Variants in LMTK3 observed in about 807,000 individuals in gnomAD.
The protein encoded by LMTK3 is lemur tail kinase 3, also known as serine/threonine-protein kinase LMTK3.
LMTK3 carries 27 observed loss-of-function variants against 116.7 expected under a neutral mutation model. That is an observed-to-expected ratio of 0.23 (90% CI 0.17 to 0.32). LMTK3 has a LOEUF of 0.32. Among genes scored for constraint, LMTK3 ranks in the 10% least tolerant of loss-of-function variants. The probability of loss-of-function intolerance (pLI) is 1.00; values close to 1 mark genes in which losing one functional copy is unlikely to be tolerated. For missense variants in LMTK3, 1,764 were observed against 2,068.5 expected, an observed-to-expected ratio of 0.85 and a Z score of 2.86; for synonymous variants, 965 against 971.0, an observed-to-expected ratio of 0.99 and a Z score of 0.11.
chr19:48,511,484 TG>T lies in LMTK3; in HGVS notation c.76+16del. The T allele has an allele frequency of 7.6e-7, 1 of 1,307,542 alleles. No individual in the cohort carries two copies. The highest frequency in any genetic ancestry group is 1.0e-6 in the Non-Finnish European group (1 of 1,001,808). The allele number at this position is 1,307,542 out of a possible 1,614,324, so 81.0% of individuals were successfully genotyped here. ...GGGTGGGGGCCACCGGACAGACTGA[TG>T]GCCCGACAGACTCACCGGGGTGGGC... On this transcript the variant is annotated intron_variant, in intron 1 of 14. Coordinates refer to ENST00000600059, the MANE Select transcript of LMTK3 (RefSeq NM_001388485.1).
intron 14 of LMTK3, among the ~76,000 whole-genome samples, chr19:48,489,688 G>T: frequency 6.6e-6 from 1 of 152,220 alleles, no homozygotes; most frequent in East Asian, 1.9e-4. Flanking sequence ...GCAATCTCAT[G>T]AGTTAGATCC....
Position 48,493,802 on chromosome 19 carries a change from C to T in LMTK3, c.3984G>A (p.Gly1328=). 1 of 1,513,488 alleles carries T rather than the reference C, an allele frequency of 6.6e-7. No homozygotes were observed. The highest frequency in any genetic ancestry group is 1.2e-5 in the South Asian group (1 of 81,892). 93.8% of individuals were successfully genotyped at this position (1,513,488 alleles called of 1,614,324 possible). A position where few individuals can be genotyped will look rare whatever the true frequency, so the allele number is the denominator to read the frequency against. Residue 1328 remains glycine, a synonymous_variant, in exon 12 of 15, where the codon GGG becomes GGA. Coordinates refer to ENST00000600059, the MANE Select transcript of LMTK3 (RefSeq NM_001388485.1). ...CGGCCCCGCGCGGAGACTTGAGCAG[C>T]CCCCGCAGCGGGCGGGCCGCGTCCG... ...ADADAARPLR[G]LLKSPRGADE... is the part of the protein sequence containing the mutation.
At chr19:48,493,615 C>T in intron 12 of LMTK3, 79 bp downstream of exon 12, 2 of 1,464,802 alleles carry the variant, frequency 1.4e-6, no homozygotes, top group East Asian at 5.9e-5. Flanking sequence ...GCTCGGCCTC[C>T]CGCCAGGCCC....
chr19:48,511,421 G>T, intron 1 of LMTK3, 80 bp downstream of exon 1: 1 of 524,320 alleles, frequency 1.9e-6, no homozygotes, highest in Non-Finnish European at 2.9e-6. Context: ...GGCAGGACCC[G>T]CAGACAGACC....
chr19:48,504,378 C>G (rs1267857360), intron 5 of LMTK3, among the ~76,000 whole-genome samples: 1 of 152,186 alleles, frequency 6.6e-6, no homozygotes, highest in Non-Finnish European at 1.5e-5. Context: ...TGTGTCATCT[C>G]AGGCAAGCCA....
In LMTK3 at chr19:48,497,189, T is replaced by C. The variant is rs924797589; in HGVS notation, c.3676+204A>G. Among the ~76,000 whole-genome samples, 3 of 152,222 alleles carry C rather than the reference T, an allele frequency of 2.0e-5. No homozygotes were observed. The highest frequency in any genetic ancestry group is 7.2e-5 in the African/African-American group (3 of 41,452). Reference sequence around the variant, plus strand: ...ATCCGTTTTTGGCAGATGGGTAAACTGAGGCACCGTGCAGCAAGGACATTT... The same window carrying C: ...ATCCGTTTTTGGCAGATGGGTAAACCGAGGCACCGTGCAGCAAGGACATTT... On this transcript the variant is annotated intron_variant, in intron 11 of 14. Transcript: ENST00000600059. This position sits in a 1 kb window ranked among gnomAD's most constrained non-coding sequence, Gnocchi z 5.7.
chr19:48,490,793 T>G (rs1972208289), intron 14 of LMTK3, among the ~76,000 whole-genome samples: 1 of 152,096 alleles, frequency 6.6e-6, no homozygotes, highest in Non-Finnish European at 1.5e-5. Flanking sequence ...ATCCGGCAAG[T>G]GCCAGGCCGG....
chr19:48,493,844 C>A lies in LMTK3; in HGVS notation c.3942G>T (p.Val1314=), dbSNP rs2147534717. ...CCGCGTCCGCGTCGGCGCTGCTCAC[C>A]ACGACGGGCACCGGGGCTGCTCGCG... The part of the protein sequence containing the change: ...GRARAAPVPV[V]VSSADADAAR... The change falls in exon 12 of 15, where the codon GTG becomes GTT. Residue 1314 remains valine (V), a synonymous_variant. Coordinates refer to ENST00000600059, the MANE Select transcript of LMTK3 (RefSeq NM_001388485.1). The A allele has an allele frequency of 5.7e-6, 8 of 1,409,358 alleles. No homozygotes were observed. The highest frequency in any genetic ancestry group is 2.6e-4 in the Middle Eastern group (1 of 3,914). The allele number at this position is 1,409,358 out of a possible 1,614,324, so 87.3% of individuals were successfully genotyped here.
rs531082089 is a variant in LMTK3, at chr19:48,494,781, G to A, written c.3677-672C>T. 2.2e-4 allele frequency among the ~76,000 whole-genome samples: 33 copies of A among 152,270 alleles called. No individual in the cohort carries two copies. Among genetic ancestry groups the A allele is most frequent in the Admixed American group, 7.8e-4 (12 of 15,296 alleles). On this transcript the variant is annotated intron_variant, in intron 11 of 14. Coordinates refer to ENST00000600059, the MANE Select transcript of LMTK3 (RefSeq NM_001388485.1). This position sits in a 1 kb window ranked among gnomAD's most constrained non-coding sequence, Gnocchi z 4.0. Reference sequence around the variant, plus strand: ...GGCAGGGAGAAAGATGAATGCAGACGGTCCCTCTCAGGTCCTCGTTCTCTC... The same window carrying A: ...GGCAGGGAGAAAGATGAATGCAGACAGTCCCTCTCAGGTCCTCGTTCTCTC...
chr19:48,507,936 T>C (rs1972597074), intron 5 of LMTK3, among the ~76,000 whole-genome samples: 1 of 151,986 alleles, frequency 6.6e-6, no homozygotes, highest in African/African-American at 2.4e-5. Context: ...GGACCCTCTT[T>C]GGAAGGAGGG....
In LMTK3 at chr19:48,508,085, G is replaced by A. The variant is rs535317714; in HGVS notation, c.557+766C>T. 3.9e-5 allele frequency among the ~76,000 whole-genome samples: 6 copies of A among 152,098 alleles called. 1 individual carries two copies. The highest frequency in any genetic ancestry group is 2.1e-4 in the South Asian group (1 of 4,822). On this transcript the variant is annotated intron_variant, in intron 5 of 14. Transcript: ENST00000600059. ...GCGCTGCGGCAGGGAATTGGCTTCC[G>A]TGGGGAGGGTCAGTGAAGAGGCCAG...
In LMTK3 at chr19:48,511,489, C is replaced by G. The variant is rs534550165; in HGVS notation, c.76+12G>C. ...GGGGCCACCGGACAGACTGATGGCC[C>G]GACAGACTCACCGGGGTGGGCCGGG... On this transcript the variant is annotated intron_variant, in intron 1 of 14. Coordinates refer to ENST00000600059, the MANE Select transcript of LMTK3 (RefSeq NM_001388485.1). The G allele has an allele frequency of 1.6e-5, 22 of 1,341,228 alleles. No homozygotes were observed. The South Asian group carries it at 1.7e-4, about 11-fold the overall frequency. 83.1% of individuals were successfully genotyped at this position (1,341,228 alleles called of 1,614,324 possible). A position where few individuals can be genotyped will look rare whatever the true frequency, so the allele number is the denominator to read the frequency against.
rs1360397014 is a variant in LMTK3, at chr19:48,491,428, A to T, written c.4204T>A (p.Phe1402Ile). Reference protein sequence around the residue: ...PPHPATPGDGFPSNDSGFGGS... With the variant: ...PPHPATPGDGIPSNDSGFGGS... ...CCAAAGCCGCTGTCGTTGCTGGGAAACCCATCTCCGGGGGTGGCGGGGTGG... is the reference window on the plus strand; with the variant it reads ...CCAAAGCCGCTGTCGTTGCTGGGAATCCCATCTCCGGGGGTGGCGGGGTGG... Residue 1402 changes from phenylalanine to isoleucine, a missense_variant, in exon 13 of 15, where the codon TTT (phenylalanine) becomes ATT (isoleucine). Physicochemically the swap from Phe to Ile is conservative, Grantham distance 21. Coordinates refer to ENST00000600059, the MANE Select transcript of LMTK3 (RefSeq NM_001388485.1). The surrounding 1 kb of genome is among the most constrained non-coding windows in gnomAD (Gnocchi z 5.1). 1 of 1,398,958 alleles carries T rather than the reference A, an allele frequency of 7.1e-7. No homozygotes were observed. The allele number at this position is 1,398,958 out of a possible 1,614,324, so 86.7% of individuals were successfully genotyped here. A position where few individuals can be genotyped will look rare whatever the true frequency, so the allele number is the denominator to read the frequency against.
intron 14 of LMTK3, among the ~76,000 whole-genome samples, chr19:48,487,952 G>A (rs1972154697): frequency 6.6e-6 from 1 of 152,156 alleles, no homozygotes; most frequent in Admixed American, 6.5e-5. Flanking sequence ...CATTGAGCAG[G>A]GCAGAGGAGA....
intron 5 of LMTK3, 138 bp from the exon 6 acceptor site, chr19:48,503,134 C>G: frequency 1.5e-6 from 1 of 657,258 alleles, no homozygotes; most frequent in South Asian, 1.8e-5. Context: ...GACGGAGTCT[C>G]GCTCTGTCGC....
rs1018221631 is a variant in LMTK3 at position 48,500,033 on chromosome 19, C to A, written c.1152-116G>T. ...CAGAGACCCAGAGGGTAACAGAGAC[C>A]CAGAGAGAGGGGGACAGAGACCCAG... On this transcript the variant is annotated intron_variant, in intron 10 of 14. Coordinates refer to ENST00000600059, the MANE Select transcript of LMTK3 (RefSeq NM_001388485.1). This position sits in a 1 kb window ranked among gnomAD's most constrained non-coding sequence, Gnocchi z 4.0. 1 of 989,096 alleles carries A rather than the reference C, an allele frequency of 1.0e-6. No individual in the cohort carries two copies. The highest frequency in any genetic ancestry group is 3.0e-5 in the Admixed American group (1 of 33,262). The allele number at this position is 989,096 out of a possible 1,614,324, so 61.3% of individuals were successfully genotyped here. A position where few individuals can be genotyped will look rare whatever the true frequency, so the allele number is the denominator to read the frequency against.
intron 11 of LMTK3, among the ~76,000 whole-genome samples, chr19:48,496,208 C>T (rs1972319707): frequency 6.6e-6 from 1 of 152,180 alleles, no homozygotes; most frequent in Non-Finnish European, 1.5e-5. Context: ...CTCACAGGAT[C>T]AAGTGATTCT....
chr19:48,496,515 T>C (rs1036918615), intron 11 of LMTK3, among the ~76,000 whole-genome samples: 3 of 152,206 alleles, frequency 2.0e-5, no homozygotes, highest in African/African-American at 7.2e-5. Flanking sequence ...TCCAGGCTGG[T>C]CTTGAACTCC....
upstream of LMTK3, chr19:48,513,468 C>T (rs1972693424): frequency 4.2e-6 from 2 of 472,914 alleles, no homozygotes; most frequent in Admixed American, 3.7e-5. The surrounding 1 kb of genome is among the most constrained non-coding windows in gnomAD (Gnocchi z 5.6). Flanking sequence ...CAGACAAGGA[C>T]ACACATACAT....
Sources: allele counts gnomAD v4.1 joint callset (sites outside exome capture counted in the v4.1 genomes callset), GRCh38; gene constraint gnomAD v4.1.1; non-coding constraint Gnocchi (gnomAD v3.1); transcripts MANE v1.5; gene names NCBI Gene and HGNC (gene_info 2026-07-23, HGNC 2026-07-21).